KLHL5: variants seen among roughly 807,000 people sequenced by gnomAD.
The protein encoded by KLHL5 is kelch-like protein 5.
In KLHL5, 48 loss-of-function variants were observed where a neutral mutation model predicts 77.7. That is an observed-to-expected ratio of 0.62 (90% CI 0.49 to 0.79). The LOEUF is 0.79. Among genes scored for constraint, KLHL5 ranks in the 30% least tolerant of loss-of-function variants. The probability of loss-of-function intolerance (pLI) is 0.00; values close to 1 mark genes in which losing one functional copy is unlikely to be tolerated. For missense variants in KLHL5, 723 were observed against 859.7 expected (o/e 0.84, Z 1.99); for synonymous variants, 260 against 297.0 (o/e 0.88, Z 1.28).
chr4:39,137,880 A>C, the KLHL5 span, among the ~76,000 whole-genome samples: 1 of 152,240 alleles, frequency 6.6e-6, no homozygotes, highest in Non-Finnish European at 1.5e-5. Context: ...CAAGAAAAAA[A>C]CAACTCCATT....
chr4:39,072,840 A>G (rs1718614651), intron 1 of KLHL5, among the ~76,000 whole-genome samples: 1 of 152,192 alleles, frequency 6.6e-6, no homozygotes, highest in Non-Finnish European at 1.5e-5. Flanking sequence ...AGTGTGCACA[A>G]AGTTACAATT....
intron 4 of KLHL5, among the ~76,000 whole-genome samples, chr4:39,083,656 A>G (rs1003930186): frequency 6.6e-6 from 1 of 152,184 alleles, no homozygotes; most frequent in Non-Finnish European, 1.5e-5. Flanking sequence ...AGTTTCAACT[A>G]CTTTTTTGAA....
chr4:39,063,053 T>A lies in KLHL5; in HGVS notation c.383+18T>A. On this transcript the variant is annotated intron_variant, in intron 1 of 10. Transcript: ENST00000504108. Reference sequence around the variant, plus strand: ...TCATGCAGGTTGATTATTTTCTTACTGTTAGAAAAGGGGTGTGGGGGTATG... The same window carrying A: ...TCATGCAGGTTGATTATTTTCTTACAGTTAGAAAAGGGGTGTGGGGGTATG... 6.3e-7 allele frequency: 1 copy of A among 1,594,684 alleles called. No individual in the cohort carries two copies. The highest frequency in any genetic ancestry group is 1.1e-5 in the South Asian group (1 of 88,612).
At chr4:39,117,887 C>T (rs561442564) in intron 10 of KLHL5, among the ~76,000 whole-genome samples, 1 of 151,918 alleles carries the variant, frequency 6.6e-6, no homozygotes, top group Non-Finnish European at 1.5e-5. Context: ...CCAGCATGGC[C>T]GACATGGTGA....
intron 8 of KLHL5, 41 bp from the exon 9 acceptor site, chr4:39,112,979 G>T: frequency 6.4e-7 from 1 of 1,553,676 alleles, no homozygotes; most frequent in Non-Finnish European, 8.8e-7. Flanking sequence ...TAAGCATAAT[G>T]GCACATGTCT....
chr4:39,103,615 A>C (rs1721788751), intron 7 of KLHL5, 104 bp downstream of exon 7: 6 of 844,262 alleles, frequency 7.1e-6, no homozygotes. Context: ...CTGCGTCAGC[A>C]GCAGTCACCA....
At chr4:39,117,023 G>A (rs1020863675) in intron 10 of KLHL5, among the ~76,000 whole-genome samples, 111 of 152,222 alleles carry the variant, frequency 7.3e-4, no homozygotes, top group Non-Finnish European at 8.4e-4. Context: ...TTTTAGTAGA[G>A]ACGGGGTTTT....
At chr4:39,069,078 G>C (rs1375841364) in intron 1 of KLHL5, among the ~76,000 whole-genome samples, 2 of 152,090 alleles carry the variant, frequency 1.3e-5, no homozygotes, top group African/African-American at 4.8e-5. Context: ...CCTTCCTGTA[G>C]GATATTATCT....
the KLHL5 span, among the ~76,000 whole-genome samples, chr4:39,139,186 G>A: frequency 6.6e-6 from 1 of 151,676 alleles, no homozygotes; most frequent in African/African-American, 2.4e-5. Flanking sequence ...GGAGGCTGAG[G>A]CAGGAGAATT....
At chr4:39,056,464 G>T (rs1019653101) in intron 1 of KLHL5, among the ~76,000 whole-genome samples, 2 of 152,132 alleles carry the variant, frequency 1.3e-5, no homozygotes, top group Non-Finnish European at 2.9e-5. Context: ...TTTCCCAGTT[G>T]TTTTTAACAA....
chr4:39,128,381 G>T (rs1723648092), downstream of KLHL5, among the ~76,000 whole-genome samples: 1 of 152,230 alleles, frequency 6.6e-6, no homozygotes, highest in African/African-American at 2.4e-5. Context: ...GGTGGACTAG[G>T]AGAGGGGTGG....
chr4:39,090,594 C>T (rs1472773010), intron 5 of KLHL5, among the ~76,000 whole-genome samples: 3 of 151,444 alleles, frequency 2.0e-5, no homozygotes, highest in Non-Finnish European at 4.4e-5. Context: ...GATTAACAGG[C>T]ACATGCCACC....
At chr4:39,072,035 A>G (rs28550686) in intron 1 of KLHL5, among the ~76,000 whole-genome samples, 4,220 of 152,074 alleles carry the variant, frequency 0.028, 175 homozygotes, top group African/African-American at 0.095. Flanking sequence ...GGAATGGCCT[A>G]TTCCCAGATA....
chr4:39,052,145 G>C (rs10027579), intron 1 of KLHL5, among the ~76,000 whole-genome samples: 2,014 of 152,110 alleles, frequency 0.013, 45 homozygotes, highest in African/African-American at 0.045. Context: ...TTTTGAGACA[G>C]AGACTCGCTC....
At chr4:39,117,955 CA>C (rs1298121497) in intron 10 of KLHL5, among the ~76,000 whole-genome samples, 1 of 150,498 alleles carries the variant, frequency 6.6e-6, no homozygotes, top group African/African-American at 2.4e-5. Context: ...AGCTGAGGCA[CA>C]AGGCTGAGGC....
chr4:39,096,643 C>G (rs764598587), intron 5 of KLHL5, 49 bp from the exon 6 acceptor site: 2 of 1,297,234 alleles, frequency 1.5e-6, no homozygotes, highest in South Asian at 1.5e-5. Flanking sequence ...TCTGTAAACC[C>G]TACCATTTTC....
intron 10 of KLHL5, among the ~76,000 whole-genome samples, chr4:39,119,825 G>A (rs1723091242): frequency 6.6e-6 from 1 of 152,170 alleles, no homozygotes; most frequent in African/African-American, 2.4e-5. Context: ...AAGTGTCTTG[G>A]ATGATTTGAG....
chr4:39,045,119 C>T, intron 1 of KLHL5: 1 of 984,682 alleles, frequency 1.0e-6, no homozygotes, highest in Non-Finnish European at 1.2e-6. Flanking sequence ...TCCTTCTCGG[C>T]ATCGGGGAGG....
At chr4:39,138,395 A>G in the KLHL5 span, among the ~76,000 whole-genome samples, 1 of 152,236 alleles carries the variant, frequency 6.6e-6, no homozygotes, top group Non-Finnish European at 1.5e-5. Context: ...AATGTAATAC[A>G]TGCACACCAT....
Sources: gnomAD v4.1 joint callset for allele counts (sites outside exome capture counted in the v4.1 genomes callset) on GRCh38, gnomAD v4.1.1 for gene constraint, MANE v1.5 for transcripts, NCBI Gene and HGNC (gene_info 2026-07-23, HGNC 2026-07-21) for gene names.